STXBP5L: variants seen among roughly 807,000 people sequenced by gnomAD.
STXBP5L encodes the protein syntaxin binding protein 5L.
In STXBP5L, 65 loss-of-function variants were observed where a neutral mutation model predicts 144.5. That is an observed-to-expected ratio of 0.45 (90% confidence interval 0.37 to 0.55). STXBP5L has a LOEUF of 0.55. STXBP5L is among the 20% of genes least tolerant of loss of function. The probability of loss-of-function intolerance (pLI) is 0.00; values close to 1 mark genes in which losing one functional copy is unlikely to be tolerated. For synonymous variants in STXBP5L, 505 were observed against 469.6 expected (o/e 1.08, Z -0.97); for missense variants, 1,298 against 1,405.5 (o/e 0.92, Z 1.22).
At chr3:121,187,018 G>C (rs1577151129) in intron 9 of STXBP5L, among the ~76,000 whole-genome samples, 1 of 152,220 alleles carries the variant, frequency 6.6e-6, no homozygotes, top group South Asian at 2.1e-4. Context: ...ATTCCTCAGG[G>C]ATCTAGAACT....
At chr3:121,378,963 T>C in intron 21 of STXBP5L, 77 bp downstream of exon 21, 1 of 1,417,580 alleles carries the variant, frequency 7.1e-7, no homozygotes, top group South Asian at 1.4e-5. Context: ...AGATATGGGA[T>C]GGAGATCACA....
At chr3:121,164,752 C>T (rs540304742) in intron 9 of STXBP5L, among the ~76,000 whole-genome samples, 7 of 152,124 alleles carry the variant, frequency 4.6e-5, no homozygotes, top group South Asian at 2.1e-4. Flanking sequence ...ATAGCTGAAC[C>T]TGGAGGACAT....
chr3:121,051,857 G>T (rs1287365861), intron 5 of STXBP5L, among the ~76,000 whole-genome samples: 1 of 152,028 alleles, frequency 6.6e-6, no homozygotes, highest in East Asian at 1.9e-4. Context: ...TAGTAAAGAA[G>T]AAAAGAGAGA....
chr3:121,093,093 G>A (rs1426515306), intron 5 of STXBP5L, among the ~76,000 whole-genome samples: 6 of 152,202 alleles, frequency 3.9e-5, no homozygotes, highest in Admixed American at 1.3e-4. Context: ...TGCATATATC[G>A]AACCAGCCTT....
At chr3:121,010,094 T>G (rs903930064) in intron 3 of STXBP5L, among the ~76,000 whole-genome samples, 2 of 151,936 alleles carry the variant, frequency 1.3e-5, no homozygotes, top group African/African-American at 4.8e-5. Context: ...ATGATTCATA[T>G]CATTTTTGGA....
chr3:121,107,638 G>T (rs951358165), intron 5 of STXBP5L, among the ~76,000 whole-genome samples: 3 of 152,000 alleles, frequency 2.0e-5, no homozygotes, highest in African/African-American at 7.2e-5. Flanking sequence ...CTTGAAGTTG[G>T]GTATCATGGT....
intron 9 of STXBP5L, among the ~76,000 whole-genome samples, chr3:121,163,879 T>C: frequency 6.6e-6 from 1 of 152,132 alleles, no homozygotes; most frequent in African/African-American, 2.4e-5. Flanking sequence ...TAAGTGACGA[T>C]AGATTTTGTT....
intron 7 of STXBP5L, among the ~76,000 whole-genome samples, chr3:121,126,333 A>T (rs1364243799): frequency 6.6e-6 from 1 of 152,166 alleles, no homozygotes. Flanking sequence ...TTGGGATGCA[A>T]AGCCTAAAAT....
intron 9 of STXBP5L, among the ~76,000 whole-genome samples, chr3:121,175,966 G>A (rs1248567557): frequency 2.0e-5 from 3 of 151,708 alleles, no homozygotes; most frequent in Non-Finnish European, 4.4e-5. Flanking sequence ...ACAAAGAGTG[G>A]CATAACCCAA....
At chr3:120,939,222 G>C (rs894884510) in intron 2 of STXBP5L, among the ~76,000 whole-genome samples, 3 of 152,136 alleles carry the variant, frequency 2.0e-5, no homozygotes, top group Non-Finnish European at 4.4e-5. Context: ...GTAAACAAAT[G>C]GTAGGGATAT....
At chr3:121,396,809 G>T (rs761991132) in intron 22 of STXBP5L, among the ~76,000 whole-genome samples, 4 of 152,226 alleles carry the variant, frequency 2.6e-5, no homozygotes, top group Admixed American at 1.3e-4. Context: ...CCTGGAAGAG[G>T]TATATGAGCC....
Position 121,248,315 on chromosome 3 carries a change from C to T in STXBP5L, c.1401-2408C>T, listed in dbSNP as rs181701065. Among the ~76,000 whole-genome samples the T allele has an allele frequency of 2.0e-4, 31 of 152,320 alleles. 1 individual carries two copies. Among genetic ancestry groups the T allele is most frequent in the Admixed American group, 1.8e-3 (27 of 15,302 alleles). On this transcript the variant is annotated intron_variant, in intron 14 of 26. Coordinates refer to ENST00000471454, the MANE Select transcript of STXBP5L (RefSeq NM_001308330.2). Reference sequence around the variant, plus strand: ...CTGACCTCAGGTAATCTGCTGGCCTCGGCCTCCCAAAGTGTTGGGATTACA... The same window carrying T: ...CTGACCTCAGGTAATCTGCTGGCCTTGGCCTCCCAAAGTGTTGGGATTACA...
chr3:121,410,606 T>C (rs114261188), intron 23 of STXBP5L, among the ~76,000 whole-genome samples: 1 of 151,932 alleles, frequency 6.6e-6, no homozygotes, highest in Non-Finnish European at 1.5e-5. Flanking sequence ...CTGATAGATA[T>C]CAGGTAGCTA....
intron 20 of STXBP5L, among the ~76,000 whole-genome samples, chr3:121,370,554 T>C (rs1576304896): frequency 6.6e-6 from 1 of 152,216 alleles, no homozygotes; most frequent in East Asian, 1.9e-4. Flanking sequence ...TGTGTCTCTA[T>C]AGCAGTGTGA....
At chr3:121,206,105 GAC>G in intron 10 of STXBP5L, 104 bp downstream of exon 10, 1 of 585,540 alleles carries the variant, frequency 1.7e-6, no homozygotes, top group South Asian at 3.5e-5. Context: ...AAATTGTAAA[GAC>G]AACTGAATCC....
intron 3 of STXBP5L, among the ~76,000 whole-genome samples, chr3:120,963,051 T>C (rs939697616): frequency 6.6e-6 from 1 of 152,182 alleles, no homozygotes; most frequent in Admixed American, 6.6e-5. Context: ...TAAATGGGAG[T>C]TCACTCATGA....
At chr3:121,022,716 A>G (rs1041525757) in intron 3 of STXBP5L, among the ~76,000 whole-genome samples, 3 of 152,186 alleles carry the variant, frequency 2.0e-5, no homozygotes, top group Non-Finnish European at 4.4e-5. Flanking sequence ...GCACCGCTTT[A>G]TGATTAAAAC....
At chr3:121,009,900 C>T (rs961791903) in intron 3 of STXBP5L, among the ~76,000 whole-genome samples, 1 of 151,774 alleles carries the variant, frequency 6.6e-6, no homozygotes, top group Non-Finnish European at 1.5e-5. Context: ...CTCAAGAACT[C>T]GAAAGGCATC....
intron 17 of STXBP5L, 52 bp from the exon 18 acceptor site, chr3:121,258,991 T>C: frequency 6.8e-7 from 1 of 1,481,262 alleles, no homozygotes; most frequent in Non-Finnish European, 9.0e-7. Flanking sequence ...CAAGATAAGT[T>C]TGACCATGTT....
Sources: allele counts gnomAD v4.1 joint callset (sites outside exome capture counted in the v4.1 genomes callset), GRCh38; gene constraint gnomAD v4.1.1; transcripts MANE v1.5; gene names NCBI Gene and HGNC (gene_info 2026-07-23, HGNC 2026-07-21).